Variants in MGMT observed in about 807,000 individuals in gnomAD.
The protein encoded by MGMT is O-6-methylguanine-DNA methyltransferase.
Under a neutral mutation model 15.9 loss-of-function variants are expected in MGMT, and 14 were observed. That is an observed-to-expected ratio of 0.88 (90% CI 0.58 to 1.37). The LOEUF is 1.37. MGMT is among the 40% of genes most tolerant of loss of function. MGMT has a pLI of 0.00. For missense variants in MGMT, 282 were observed against 268.1 expected (o/e 1.05, Z -0.36); for synonymous variants, 130 against 118.2 (o/e 1.10, Z -0.65).
intron 1 of MGMT, among the ~76,000 whole-genome samples, chr10:129,482,990 T>A (rs1845374120): frequency 6.6e-6 from 1 of 152,206 alleles, no homozygotes; most frequent in South Asian, 2.1e-4. Context: ...CTTCCGTAGC[T>A]TCTTTTCAGT....
intron 1 of MGMT, among the ~76,000 whole-genome samples, chr10:129,512,785 C>A (rs917316472): frequency 1.3e-5 from 2 of 152,048 alleles, no homozygotes; most frequent in Admixed American, 6.6e-5. Flanking sequence ...AAATTGGAAC[C>A]CTGTGTGTTG....
chr10:129,511,433 CGCAGCCACA>C, intron 1 of MGMT, among the ~76,000 whole-genome samples: 1 of 149,776 alleles, frequency 6.7e-6, no homozygotes, highest in Non-Finnish European at 1.5e-5. Flanking sequence ...ATATACCAGA[CGCAGCCACA>C]TGCTTCATGT....
intron 2 of MGMT, among the ~76,000 whole-genome samples, chr10:129,587,915 A>G (rs1465696187): frequency 6.6e-6 from 1 of 152,014 alleles, no homozygotes; most frequent in Non-Finnish European, 1.5e-5. Flanking sequence ...TGGATGCTTT[A>G]TATGCAAATG....
At chr10:129,756,243 G>T (rs557110862) in intron 3 of MGMT, among the ~76,000 whole-genome samples, 1 of 152,186 alleles carries the variant, frequency 6.6e-6, no homozygotes, top group Non-Finnish European at 1.5e-5. Context: ...CAAGATGCAG[G>T]TCCTCTCCCT....
chr10:129,568,916 G>A (rs761256494), intron 2 of MGMT, among the ~76,000 whole-genome samples: 20 of 152,254 alleles, frequency 1.3e-4, no homozygotes, highest in Admixed American at 2.0e-4. Context: ...GGTTTTCAAA[G>A]CATTCTATGC....
chr10:129,696,191 G>T (rs946918305), intron 2 of MGMT, among the ~76,000 whole-genome samples: 1 of 152,180 alleles, frequency 6.6e-6, no homozygotes, highest in African/African-American at 2.4e-5. Context: ...AGATGCCTTA[G>T]TGTAACGAGT....
At chr10:129,639,020 A>G (rs562834758) in intron 2 of MGMT, among the ~76,000 whole-genome samples, 23 of 152,320 alleles carry the variant, frequency 1.5e-4, no homozygotes, top group Admixed American at 6.5e-4. Flanking sequence ...TTAACAGAGT[A>G]AAACATAAAT....
At chr10:129,725,085 C>T (rs906401706) in intron 3 of MGMT, among the ~76,000 whole-genome samples, 3 of 152,070 alleles carry the variant, frequency 2.0e-5, no homozygotes, top group Admixed American at 6.6e-5. Flanking sequence ...AGCCTCTGGG[C>T]CAGACCTTTG....
chr10:129,671,324 A>G (rs2133112509), intron 2 of MGMT, among the ~76,000 whole-genome samples: 1 of 152,332 alleles, frequency 6.6e-6, no homozygotes, highest in South Asian at 2.1e-4. Flanking sequence ...CAGTCCTGGT[A>G]GGAATATTTA....
At chr10:129,507,623 G>A (rs560328678) in intron 1 of MGMT, among the ~76,000 whole-genome samples, 26 of 152,288 alleles carry the variant, frequency 1.7e-4, no homozygotes, top group South Asian at 1.4e-3. Flanking sequence ...AGAGTGGGCC[G>A]GAGGAGATGG....
chr10:129,699,709 A>G (rs1302269122), intron 2 of MGMT, among the ~76,000 whole-genome samples: 1 of 152,172 alleles, frequency 6.6e-6, no homozygotes, highest in Non-Finnish European at 1.5e-5. Context: ...AGATCTGCTG[A>G]CTTGACAGCC....
At chr10:129,515,130 T>C (rs989434895) in intron 1 of MGMT, among the ~76,000 whole-genome samples, 2 of 151,514 alleles carry the variant, frequency 1.3e-5, no homozygotes, top group African/African-American at 4.9e-5. Flanking sequence ...GTTCAGGGGA[T>C]TGAGAGACGT....
In MGMT at chr10:129,710,138, G is replaced by A. The variant is rs745606898; in HGVS notation, c.274+2095G>A. ...TGGCTTTCAGCCCACGCCAGGCCAG[G>A]CTGCTTCCTGGGCTGGCAGGTCATG... is the stretch of plus-strand genomic sequence containing the variant. On this transcript the variant is annotated intron_variant, in intron 3 of 4. Transcript: ENST00000651593. 7.2e-4 allele frequency among the ~76,000 whole-genome samples: 109 copies of A among 152,298 alleles called. 1 individual carries two copies. Among genetic ancestry groups the A allele is most frequent in the Non-Finnish European group, 1.5e-3 (103 of 68,030 alleles).
intron 2 of MGMT, among the ~76,000 whole-genome samples, chr10:129,562,883 C>T (rs181585979): frequency 1.8e-4 from 28 of 152,296 alleles, no homozygotes; most frequent in Admixed American, 5.2e-4. Context: ...AGATGATCCC[C>T]GACTTACCGT....
At chr10:129,521,389 A>G (rs2119725479) in intron 1 of MGMT, among the ~76,000 whole-genome samples, 1 of 152,282 alleles carries the variant, frequency 6.6e-6, no homozygotes. Context: ...CACTGGCCTC[A>G]CAGCTCACTG....
At chr10:129,740,027 G>A (rs567457584) in intron 3 of MGMT, among the ~76,000 whole-genome samples, 1 of 152,340 alleles carries the variant, frequency 6.6e-6, no homozygotes, top group Admixed American at 6.5e-5. Flanking sequence ...CACCTGGCCT[G>A]TTTTAATCAA....
chr10:129,468,197 G>A (rs535496998), intron 1 of MGMT, among the ~76,000 whole-genome samples: 8 of 152,302 alleles, frequency 5.3e-5, no homozygotes, highest in African/African-American at 1.9e-4. Flanking sequence ...CCATCCCTGG[G>A]CAGGTGTCTA....
Position 129,487,931 on chromosome 10 carries a change from G to GTA in MGMT, c.-13+20636_-13+20637insAT, listed in dbSNP as rs1321412343. On this transcript the variant is annotated intron_variant, in intron 1 of 4. Coordinates refer to ENST00000651593, the MANE Select transcript of MGMT (RefSeq NM_002412.5). ...TATAGGGGTGTGTGTGTGTGTGTGT[G>GTA]TGTGTATATATATACACACACAAAC... 3.5e-5 allele frequency among the ~76,000 whole-genome samples: 5 copies of GTA among 142,566 alleles called. 1 individual carries two copies. In the South Asian group the frequency reaches 6.9e-4, roughly 20 times the overall value. The allele number at this position is 142,566 out of a possible 152,430, so 93.5% of individuals were successfully genotyped here.
chr10:129,538,604 T>C (rs910078734), intron 2 of MGMT, among the ~76,000 whole-genome samples: 1 of 152,204 alleles, frequency 6.6e-6, no homozygotes, highest in Non-Finnish European at 1.5e-5. Flanking sequence ...ATGTTTTCTT[T>C]GTGAAATATC....
Sources: allele counts gnomAD v4.1 joint callset (sites outside exome capture counted in the v4.1 genomes callset), GRCh38; gene constraint gnomAD v4.1.1; transcripts MANE v1.5; gene names NCBI Gene and HGNC (gene_info 2026-07-23, HGNC 2026-07-21).